SLC16A12: variants seen among roughly 807,000 people sequenced by gnomAD.
SLC16A12 encodes solute carrier family 16 member 12.
Under a neutral mutation model 42.4 loss-of-function variants are expected in SLC16A12, and 17 were observed. The ratio of observed to expected loss-of-function variants is 0.40; its 90% CI spans 0.27 to 0.60. SLC16A12 has a LOEUF of 0.60. Ranked by LOEUF, SLC16A12 falls within the 20% of genes least tolerant of loss-of-function variation. The pLI is 0.42. For synonymous variants in SLC16A12, 224 were observed against 229.4 expected (o/e 0.98, Z 0.21); for missense variants, 544 against 623.0 (o/e 0.87, Z 1.35).
At chr10:89,526,544 C>T (rs1843456076) in intron 2 of SLC16A12, among the ~76,000 whole-genome samples, 1 of 152,168 alleles carries the variant, frequency 6.6e-6, no homozygotes, top group African/African-American at 2.4e-5. Flanking sequence ...TTAGGAGCTG[C>T]CAGAATATAA....
rs1843389695 is a variant in SLC16A12, at chr10:89,523,209, G to A, written c.-47+11292C>T. Reference sequence around the variant, plus strand: ...ATGTGAGGGAGAAAAGAAGGGAAGAGAAGGAAAAAGCAGGGAAGAAAACTC... The same window carrying A: ...ATGTGAGGGAGAAAAGAAGGGAAGAAAAGGAAAAAGCAGGGAAGAAAACTC... On this transcript the variant is annotated intron_variant, in intron 2 of 7. Transcript: ENST00000371790. Among the ~76,000 whole-genome samples, 6 of 152,212 alleles carry A rather than the reference G, an allele frequency of 3.9e-5. No homozygotes were observed. In the South Asian group the frequency reaches 1.2e-3, roughly 32 times the overall value.
intron 2 of SLC16A12, among the ~76,000 whole-genome samples, chr10:89,504,211 G>A (rs183589304): frequency 6.6e-6 from 1 of 152,212 alleles, no homozygotes; most frequent in Non-Finnish European, 1.5e-5. Context: ...AAACTAAGCA[G>A]CCAGAATCAG....
At chr10:89,476,439 G>T (rs1842581827) in intron 2 of SLC16A12, among the ~76,000 whole-genome samples, 2 of 152,154 alleles carry the variant, frequency 1.3e-5, no homozygotes, top group South Asian at 4.1e-4. Flanking sequence ...GTTTGTAGGA[G>T]TGCAGGCAGA....
intron 6 of SLC16A12, 86 bp downstream of exon 6, chr10:89,438,518 G>A: frequency 8.5e-7 from 1 of 1,174,562 alleles, no homozygotes; most frequent in Non-Finnish European, 1.2e-6. Context: ...TTCAGACCTA[G>A]GTACTCCACA....
chr10:89,503,088 G>T (rs1405974360), intron 2 of SLC16A12, among the ~76,000 whole-genome samples: 1 of 152,146 alleles, frequency 6.6e-6, no homozygotes, highest in Non-Finnish European at 1.5e-5. Flanking sequence ...CAAGTCACTA[G>T]AAACAATAGG....
chr10:89,440,427 G>T (rs1030571712), intron 5 of SLC16A12, among the ~76,000 whole-genome samples: 2 of 152,158 alleles, frequency 1.3e-5, no homozygotes, highest in East Asian at 3.9e-4. Flanking sequence ...ATGAGGTTAC[G>T]TCCTTTATTG....
At chr10:89,468,456 G>A (rs898910400) in intron 2 of SLC16A12, among the ~76,000 whole-genome samples, 6 of 152,196 alleles carry the variant, frequency 3.9e-5, no homozygotes, top group Admixed American at 6.6e-5. Flanking sequence ...GGCTGACTTT[G>A]GATGATGCAC....
At chr10:89,463,098 T>C (rs567495562) in intron 2 of SLC16A12, 6 of 156,648 alleles carry the variant, frequency 3.8e-5, no homozygotes, top group Non-Finnish European at 7.0e-5. Context: ...AGAAGCAGCC[T>C]GGGTCCCCAG....
chr10:89,495,988 CT>C (rs1190723328), intron 2 of SLC16A12, among the ~76,000 whole-genome samples: 1 of 152,202 alleles, frequency 6.6e-6, no homozygotes, highest in Non-Finnish European at 1.5e-5. Flanking sequence ...CAAATCCTTC[CT>C]TCTAATCAGC....
chr10:89,500,886 G>A (rs867206130), intron 2 of SLC16A12, among the ~76,000 whole-genome samples: 3 of 152,088 alleles, frequency 2.0e-5, no homozygotes, highest in South Asian at 2.1e-4. Flanking sequence ...TGTTTACCTC[G>A]AAAACCCTAA....
intron 4 of SLC16A12, among the ~76,000 whole-genome samples, chr10:89,441,863 T>C (rs909900222): frequency 5.3e-5 from 8 of 152,196 alleles, no homozygotes; most frequent in African/African-American, 1.7e-4. Flanking sequence ...ATCAGAATTA[T>C]GTTGGCCTCA....
At position 89,490,454 on chromosome 10, in the gene SLC16A12, C is replaced by G. The variant is rs536751454; in HGVS notation, c.-46-27830G>C. 5.3e-5 allele frequency among the ~76,000 whole-genome samples: 8 copies of G among 152,250 alleles called. 1 individual carries two copies. The South Asian group carries it at 1.2e-3, about 24-fold the overall frequency. ...GGCCTCCCTTCTAACTTCTGATGGA[C>G]CAGCTATAAATCAAGGGTTCCCACA... On this transcript the variant is annotated intron_variant, in intron 2 of 7. Transcript: ENST00000371790.
intron 2 of SLC16A12, among the ~76,000 whole-genome samples, chr10:89,530,291 C>T (rs1316562158): frequency 6.6e-6 from 1 of 152,128 alleles, no homozygotes; most frequent in African/African-American, 2.4e-5. Flanking sequence ...ACTCATCCCT[C>T]TTCCTTTTGT....
intron 2 of SLC16A12, among the ~76,000 whole-genome samples, chr10:89,491,115 AC>A (rs1255751944): frequency 6.6e-6 from 1 of 151,956 alleles, no homozygotes; most frequent in East Asian, 1.9e-4. Context: ...CTATACTACC[AC>A]CCCCACTCTC....
At chr10:89,472,586 AG>A (rs140857526) in intron 2 of SLC16A12, among the ~76,000 whole-genome samples, 3,242 of 134,904 alleles carry the variant, frequency 0.024, 90 homozygotes, top group African/African-American at 0.05. Flanking sequence ...TCCACCTCCT[AG>A]GTTCAAGTGA....
At chr10:89,445,108 G>T (rs1251861284) in intron 3 of SLC16A12, among the ~76,000 whole-genome samples, 1 of 152,222 alleles carries the variant, frequency 6.6e-6, no homozygotes, top group Non-Finnish European at 1.5e-5. Context: ...GCTCAAACTG[G>T]GTGGAGCCCA....
chr10:89,554,368 A>G (rs952399190), intron 2 of SLC16A12, among the ~76,000 whole-genome samples: 1 of 152,186 alleles, frequency 6.6e-6, no homozygotes, highest in Non-Finnish European at 1.5e-5. Flanking sequence ...GAAATCTACC[A>G]GGAGATTTAA....
In SLC16A12 at chr10:89,431,690, A is replaced by G. The variant is rs1841698260; in HGVS notation, c.*1374T>C. 1 of 152,192 alleles carries G rather than the reference A, an allele frequency of 6.6e-6. No homozygotes were observed. The highest frequency in any genetic ancestry group is 6.5e-5 in the Admixed American group (1 of 15,278). The allele number at this position is 152,192 out of a possible 1,614,324, so 9.4% of individuals were successfully genotyped here. On this transcript the variant is annotated 3_prime_UTR_variant, in exon 8 of 8. Transcript: ENST00000371790. Reference sequence around the variant, plus strand: ...ATTGATTGCATAATTTACTCCTATTACAGGTGTGACACACTGTGAGATTCA... The same window carrying G: ...ATTGATTGCATAATTTACTCCTATTGCAGGTGTGACACACTGTGAGATTCA...
At chr10:89,527,236 A>G (rs543091397) in intron 2 of SLC16A12, among the ~76,000 whole-genome samples, 8 of 152,188 alleles carry the variant, frequency 5.3e-5, no homozygotes, top group Admixed American at 4.6e-4. Flanking sequence ...TAATCCCAGC[A>G]CTTTGGGAGG....
Sources: allele counts gnomAD v4.1 joint callset (sites outside exome capture counted in the v4.1 genomes callset), GRCh38; gene constraint gnomAD v4.1.1; transcripts MANE v1.5; gene names NCBI Gene and HGNC (gene_info 2026-07-23, HGNC 2026-07-21).